Variants in SLC26A11 observed in about 807,000 individuals in gnomAD.
SLC26A11 encodes solute carrier family 26 member 11.
In SLC26A11, 58 loss-of-function variants were observed where a neutral mutation model predicts 62.2. The observed-to-expected ratio is 0.93, with a 90% CI of 0.76 to 1.16. The LOEUF (loss-of-function observed/expected upper bound fraction) is 1.16, where lower values mean the gene tolerates loss of function less well. Ranked by LOEUF, SLC26A11 falls within the 50% of genes most tolerant of loss-of-function variation. The probability of loss-of-function intolerance (pLI) is 0.00; values close to 1 mark genes in which losing one functional copy is unlikely to be tolerated. For synonymous variants in SLC26A11, 411 were observed against 368.9 expected (o/e 1.11, Z -1.31); for missense variants, 790 against 794.3 (o/e 0.99, Z 0.06).
At position 80,251,347 on chromosome 17, in the gene SLC26A11, C is replaced by T. The variant is rs753573160; in HGVS notation, c.1675C>T (p.Leu559=). Residue 559 remains leucine, a synonymous_variant, in exon 17 of 18, where the codon CTG becomes TTG. Transcript: ENST00000361193. ...VGLQVPVLRV[L]LSADLKGFQY... ...CTCTCAGGTCCCCGTTCTCCGTGTC[C>T]TGCTGTCCGCTGACCTGAAGGGGTT... 1 of 1,614,096 alleles carries T rather than the reference C, an allele frequency of 6.2e-7. No individual in the cohort carries two copies. The highest frequency in any genetic ancestry group is 8.5e-7 in the Non-Finnish European group (1 of 1,179,988).
Position 80,246,735 on chromosome 17 carries a change from G to T in SLC26A11, c.1294+86G>T. 1 of 1,513,852 alleles carries T rather than the reference G, an allele frequency of 6.6e-7. No individual in the cohort carries two copies. The highest frequency in any genetic ancestry group is 8.9e-7 in the Non-Finnish European group (1 of 1,125,846). The allele number at this position is 1,513,852 out of a possible 1,614,324, so 93.8% of individuals were successfully genotyped here. A position where few individuals can be genotyped will look rare whatever the true frequency, so the allele number is the denominator to read the frequency against. On this transcript the variant is annotated intron_variant, in intron 13 of 17. Coordinates refer to ENST00000361193, the MANE Select transcript of SLC26A11 (RefSeq NM_001166347.2). This position sits in a 1 kb window ranked among gnomAD's most constrained non-coding sequence, Gnocchi z 4.4. ...ATTTATGCTACCCCATTTTCCTGCA[G>T]CCCCCTCTGTGGGGCTGGGACTGGG... is the stretch of plus-strand genomic sequence containing the variant.
intron 16 of SLC26A11, among the ~76,000 whole-genome samples, chr17:80,249,718 C>T (rs1457550781): frequency 6.6e-6 from 1 of 151,794 alleles, no homozygotes; most frequent in Non-Finnish European, 1.5e-5. Context: ...CCAGCCTGGC[C>T]AACATGGTGA....
intron 7 of SLC26A11, among the ~76,000 whole-genome samples, chr17:80,233,113 G>A (rs915485522): frequency 3.9e-5 from 6 of 151,996 alleles, no homozygotes; most frequent in African/African-American, 1.2e-4. Flanking sequence ...GCCAGGCATG[G>A]TGGTGCATGC....
At chr17:80,235,461 A>G (rs2042668481) in intron 7 of SLC26A11, among the ~76,000 whole-genome samples, 1 of 152,018 alleles carries the variant, frequency 6.6e-6, no homozygotes, top group African/African-American at 2.4e-5. Context: ...GGCTCAAGTT[A>G]TCATCTCACC....
chr17:80,227,792 G>A (rs1213055141), intron 6 of SLC26A11, 26 bp from the exon 7 acceptor site: 8 of 1,600,660 alleles, frequency 5.0e-6, no homozygotes. Flanking sequence ...GAGCTGGGTG[G>A]TGACCAGTCC....
Position 80,245,190 on chromosome 17 carries a change from C to T in SLC26A11, c.1037-6C>T. The T allele has an allele frequency of 6.2e-7, 1 of 1,613,824 alleles. No individual in the cohort carries two copies. The highest frequency in any genetic ancestry group is 8.5e-7 in the Non-Finnish European group (1 of 1,179,900). On this transcript the variant is annotated splice_polypyrimidine_tract_variant and splice_region_variant and intron_variant, in intron 10 of 17. Transcript: ENST00000361193. ...CCACGATCAGCCTGTCTTGCCTCCT[C>T]CCCAGGTCTCACCAACATGTTGGGC... is the stretch of plus-strand genomic sequence containing the variant.
At chr17:80,243,304 C>G (rs1263346170) in intron 10 of SLC26A11, among the ~76,000 whole-genome samples, 4 of 152,188 alleles carry the variant, frequency 2.6e-5, no homozygotes, top group Non-Finnish European at 4.4e-5. Flanking sequence ...CACGCACTTT[C>G]AGGCTGAGAA....
intron 10 of SLC26A11, among the ~76,000 whole-genome samples, chr17:80,244,027 CT>C (rs2042932184): frequency 6.6e-6 from 1 of 152,240 alleles, no homozygotes; most frequent in Non-Finnish European, 1.5e-5. Context: ...TTTCCTTGCC[CT>C]AGCCCATCTC....
At chr17:80,249,438 T>C in intron 16 of SLC26A11, 151 bp downstream of exon 16, 9 of 1,148,102 alleles carry the variant, frequency 7.8e-6, no homozygotes, top group Middle Eastern at 2.9e-4. Context: ...ACAGTTCTTG[T>C]TCCCATCTGG....
intron 8 of SLC26A11, 124 bp downstream of exon 8, chr17:80,237,227 A>G: frequency 1.7e-6 from 2 of 1,144,772 alleles, no homozygotes; most frequent in Non-Finnish European, 2.4e-6. Flanking sequence ...CTGAGTCCTC[A>G]GGAACGGACA....
intron 7 of SLC26A11, among the ~76,000 whole-genome samples, chr17:80,230,334 C>T (rs1167992447): frequency 6.6e-6 from 1 of 151,836 alleles, no homozygotes; most frequent in Admixed American, 6.6e-5. Context: ...AGGAAGAAAA[C>T]CAGTTTATTA....
At chr17:80,237,419 T>C in intron 8 of SLC26A11, 103 bp from the exon 9 acceptor site, 1 of 1,098,948 alleles carries the variant, frequency 9.1e-7, no homozygotes, top group Non-Finnish European at 1.3e-6. Context: ...AAGCACTTGC[T>C]CCTGTTACCT....
chr17:80,243,744 C>T (rs2042922755), intron 10 of SLC26A11, among the ~76,000 whole-genome samples: 1 of 152,224 alleles, frequency 6.6e-6, no homozygotes, highest in Admixed American at 6.5e-5. Flanking sequence ...TGACAGCACC[C>T]TGAGTTCCAG....
Position 80,246,509 on chromosome 17 carries a change from G to C in SLC26A11, c.1154G>C (p.Gly385Ala). The change falls in exon 13 of 18, where the codon GGA (glycine) becomes GCA (alanine). Residue 385 changes from glycine to alanine, a missense_variant and splice_region_variant. Transcript: ENST00000361193. This position sits in a 1 kb window ranked among gnomAD's most constrained non-coding sequence, Gnocchi z 4.4. The stretch of plus-strand genomic sequence containing the variant: ...TCACCTGTGTTCCCGTGCCCCGCAG[G>C]AGTGCTGGTGCTGCTGTCTCTGGAC... Reference protein sequence around the residue: ...VCTPAGGLVTGVLVLLSLDYL... With the variant: ...VCTPAGGLVTAVLVLLSLDYL... The C allele has an allele frequency of 6.2e-7, 1 of 1,611,040 alleles. No homozygotes were observed. Among genetic ancestry groups the C allele is most frequent in the Non-Finnish European group, 8.5e-7 (1 of 1,180,000 alleles).
chr17:80,243,418 G>GA (rs2042914681), intron 10 of SLC26A11, among the ~76,000 whole-genome samples: 1 of 149,218 alleles, frequency 6.7e-6, no homozygotes, highest in South Asian at 2.1e-4. Context: ...TATTATTTGA[G>GA]ACGGAATCTT....
chr17:80,237,406 G>T, intron 8 of SLC26A11, 116 bp from the exon 9 acceptor site: 1 of 990,634 alleles, frequency 1.0e-6, no homozygotes, highest in South Asian at 1.6e-5. Context: ...TCCTGCAGCT[G>T]ACAAGCACTT....
intron 10 of SLC26A11, 74 bp from the exon 11 acceptor site, chr17:80,245,122 C>G: frequency 1.4e-6 from 2 of 1,425,348 alleles, no homozygotes; most frequent in Non-Finnish European, 2.0e-6. Flanking sequence ...GGGTTTTTGT[C>G]CCCCTCCCCA....
In SLC26A11 at chr17:80,236,909, A is replaced by T. The variant is rs2042708822; in HGVS notation, c.737-19A>T. 2 of 1,597,550 alleles carry T rather than the reference A, an allele frequency of 1.3e-6. No individual in the cohort carries two copies. The highest frequency in any genetic ancestry group is 1.7e-6 in the Non-Finnish European group (2 of 1,166,756). ...TCGCCGGGAGCAGGGTCTCGGACGC[A>T]CCTCTCCTTCTCTCCTAGCTCGCAA... On this transcript the variant is annotated intron_variant, in intron 7 of 17. Transcript: ENST00000361193.
intron 5 of SLC26A11, chr17:80,225,558 T>C (rs1422763703): frequency 2.2e-5 from 8 of 370,892 alleles, no homozygotes; most frequent in Non-Finnish European, 3.0e-5. Context: ...GTCACCTACA[T>C]TGTTTTTTAT....
Sources: allele counts gnomAD v4.1 joint callset (sites outside exome capture counted in the v4.1 genomes callset), GRCh38; gene constraint gnomAD v4.1.1; non-coding constraint Gnocchi (gnomAD v3.1); transcripts MANE v1.5; gene names NCBI Gene and HGNC (gene_info 2026-07-23, HGNC 2026-07-21).